HLCS: variants seen among roughly 807,000 people sequenced by gnomAD.
HLCS encodes holocarboxylase synthetase, also known as biotin--protein ligase.
In HLCS, 53 loss-of-function variants were observed where a neutral mutation model predicts 75.0. The observed-to-expected ratio is 0.71, with a 90% CI of 0.57 to 0.89. The LOEUF (loss-of-function observed/expected upper bound fraction) is 0.89, where lower values mean the gene tolerates loss of function less well. HLCS is among the 40% of genes least tolerant of loss of function. The pLI is 0.00. For synonymous variants in HLCS, 431 were observed against 428.6 expected (o/e 1.01, Z -0.07); for missense variants, 966 against 1,074.0 (o/e 0.90, Z 1.41).
chr21:36,950,618 C>T (rs1367736403), intron 2 of HLCS, among the ~76,000 whole-genome samples: 8 of 144,706 alleles, frequency 5.5e-5, no homozygotes, highest in South Asian at 2.3e-4. Context: ...CAAAGGCATA[C>T]GCTACCATGC....
chr21:36,891,819 G>C (rs528565755), intron 6 of HLCS, among the ~76,000 whole-genome samples: 2 of 152,304 alleles, frequency 1.3e-5, no homozygotes, highest in African/African-American at 4.8e-5. Flanking sequence ...AGCAATCTAA[G>C]TGAGCCTATG....
intron 6 of HLCS, among the ~76,000 whole-genome samples, chr21:36,809,408 G>C (rs1002253833): frequency 6.6e-6 from 1 of 152,162 alleles, no homozygotes; most frequent in Non-Finnish European, 1.5e-5. Flanking sequence ...GCAAGAACCA[G>C]CGTGGGATTT....
chr21:36,774,629 C>T (rs1601186439), intron 6 of HLCS, among the ~76,000 whole-genome samples: 1 of 152,216 alleles, frequency 6.6e-6, no homozygotes, highest in East Asian at 1.9e-4. Flanking sequence ...TTTACGACTC[C>T]TCAAAAATTC....
intron 6 of HLCS, among the ~76,000 whole-genome samples, chr21:36,798,518 A>C (rs2061097913): frequency 6.6e-6 from 1 of 152,354 alleles, no homozygotes; most frequent in East Asian, 1.9e-4. Context: ...AAAGGCATCC[A>C]TCTATCAACT....
chr21:36,813,969 C>T (rs186021869), intron 6 of HLCS, among the ~76,000 whole-genome samples: 2 of 152,242 alleles, frequency 1.3e-5, no homozygotes, highest in Admixed American at 6.5e-5. Context: ...TCCAAATTTT[C>T]GATTCTGCCA....
chr21:36,862,218 C>A (rs1380584119), intron 6 of HLCS, among the ~76,000 whole-genome samples: 1 of 152,194 alleles, frequency 6.6e-6, no homozygotes, highest in Admixed American at 6.5e-5. Context: ...GTTGTTCCCA[C>A]CTTTTGGCTA....
In HLCS at chr21:36,754,228, T is replaced by A. The variant is rs749078688; in HGVS notation, c.*18A>T. 2.5e-5 allele frequency: 40 copies of A among 1,613,106 alleles called. No individual in the cohort carries two copies. The highest frequency in any genetic ancestry group is 1.7e-4 in the Middle Eastern group (1 of 6,014). On this transcript the variant is annotated 3_prime_UTR_variant, in exon 11 of 11. Transcript: ENST00000674895. Reference sequence around the variant, plus strand: ...GCATGGGCACGGACAGGCAGCCGCGTCTCGGGGACGCCCGGCATTACCGCC... The same window carrying A: ...GCATGGGCACGGACAGGCAGCCGCGACTCGGGGACGCCCGGCATTACCGCC...
chr21:36,978,187 C>T (rs547804516), intron 1 of HLCS, among the ~76,000 whole-genome samples: 55 of 152,206 alleles, frequency 3.6e-4, no homozygotes, highest in African/African-American at 1.3e-3. Context: ...TTTTATCATC[C>T]CATTAATTTA....
chr21:36,808,837 G>A (rs1046852124), intron 6 of HLCS, among the ~76,000 whole-genome samples: 4 of 152,164 alleles, frequency 2.6e-5, no homozygotes, highest in Non-Finnish European at 5.9e-5. Flanking sequence ...GTGCAGGTCT[G>A]CTGGTGATAA....
At chr21:36,777,766 G>A (rs7509790) in intron 6 of HLCS, among the ~76,000 whole-genome samples, 45,614 of 152,006 alleles carry the variant, frequency 0.3, 8,434 homozygotes, top group East Asian at 0.6. Context: ...GCCTGACATC[G>A]GGAGGCAGGC....
chr21:36,947,075 T>A (rs1177428533), intron 2 of HLCS, among the ~76,000 whole-genome samples: 1 of 152,112 alleles, frequency 6.6e-6, no homozygotes, highest in Non-Finnish European at 1.5e-5. Context: ...ACCATTGTCC[T>A]CAGAGCAATC....
intron 6 of HLCS, among the ~76,000 whole-genome samples, chr21:36,852,817 G>C (rs1382601616): frequency 3.3e-5 from 5 of 152,030 alleles, no homozygotes; most frequent in South Asian, 4.1e-4. Flanking sequence ...TCAGACACAG[G>C]ACCCCGCTGA....
At chr21:36,956,406 C>T (rs2067948291) in intron 2 of HLCS, among the ~76,000 whole-genome samples, 1 of 152,156 alleles carries the variant, frequency 6.6e-6, no homozygotes, top group Non-Finnish European at 1.5e-5. Context: ...TACCTAGAGT[C>T]CTAAAATGAA....
intron 6 of HLCS, among the ~76,000 whole-genome samples, chr21:36,873,086 G>T (rs1229492518): frequency 6.6e-6 from 1 of 151,874 alleles, no homozygotes; most frequent in African/African-American, 2.4e-5. Flanking sequence ...TATTGTTAAG[G>T]ATTATTACAC....
intron 5 of HLCS, among the ~76,000 whole-genome samples, chr21:36,920,396 G>A (rs962570810): frequency 1.0e-4 from 15 of 150,608 alleles, no homozygotes; most frequent in African/African-American, 3.6e-4. Context: ...AGATGGGAAT[G>A]GTTAATGGAT....
At chr21:36,775,298 G>A (rs1043599820) in intron 6 of HLCS, among the ~76,000 whole-genome samples, 42 of 152,226 alleles carry the variant, frequency 2.8e-4, no homozygotes, top group Middle Eastern at 3.2e-3. Context: ...CTTTCAGAAT[G>A]AGGCTCCTTT....
At chr21:36,880,347 C>T (rs574214393) in intron 6 of HLCS, among the ~76,000 whole-genome samples, 2 of 152,180 alleles carry the variant, frequency 1.3e-5, no homozygotes, top group African/African-American at 4.8e-5. Context: ...AGATCTGAAA[C>T]GAAGCTAGAG....
At chr21:36,896,603 C>G in intron 6 of HLCS, 1 of 534,672 alleles carries the variant, frequency 1.9e-6, no homozygotes, top group Non-Finnish European at 3.4e-6. Flanking sequence ...AAAGAACATT[C>G]TGAGGGCCTG....
At chr21:36,757,333 T>A (rs1350971778) in intron 9 of HLCS, among the ~76,000 whole-genome samples, 1 of 152,184 alleles carries the variant, frequency 6.6e-6, no homozygotes, top group Admixed American at 6.5e-5. Flanking sequence ...CGCCGACTCA[T>A]GTTCAGTGGC....
Sources: gnomAD v4.1 joint callset for allele counts (sites outside exome capture counted in the v4.1 genomes callset) on GRCh38, gnomAD v4.1.1 for gene constraint, MANE v1.5 for transcripts, NCBI Gene and HGNC (gene_info 2026-07-23, HGNC 2026-07-21) for gene names.